Variants in MITF observed in about 807,000 individuals in gnomAD.
The protein encoded by MITF is melanocyte inducing transcription factor, also known as microphthalmia-associated transcription factor.
In MITF, 17 loss-of-function variants were observed where a neutral mutation model predicts 60.5. The observed-to-expected ratio is 0.28, with a 90% CI of 0.19 to 0.42. MITF has a LOEUF of 0.42. Among genes scored for constraint, MITF ranks in the 10% least tolerant of loss-of-function variants. The pLI is 1.00. For synonymous variants in MITF, 260 were observed against 248.5 expected, an observed-to-expected ratio of 1.05 and a Z score of -0.43; for missense variants, 622 against 683.5, an observed-to-expected ratio of 0.91 and a Z score of 1.00.
intron 2 of MITF, among the ~76,000 whole-genome samples, chr3:69,900,955 G>A (rs1433988954): frequency 6.6e-6 from 1 of 152,034 alleles, no homozygotes; most frequent in African/African-American, 2.4e-5. Flanking sequence ...AGCACCAGAA[G>A]CTGTCCTATG....
chr3:69,965,381 C>T lies in MITF; in HGVS notation c.*133C>T, dbSNP rs770068866. On this transcript the variant is annotated 3_prime_UTR_variant, in exon 10 of 10. Coordinates refer to ENST00000352241, the MANE Select transcript of MITF (RefSeq NM_001354604.2). ...TTTTTTTCATGCTTTATCAATAGCC[C>T]AGGATATATTTTATTTTTAGAATTT... is the stretch of plus-strand genomic sequence containing the variant. 19 of 865,140 alleles carry T rather than the reference C, an allele frequency of 2.2e-5. No homozygotes were observed. The highest frequency in any genetic ancestry group is 3.1e-5 in the Non-Finnish European group (18 of 571,760). The allele number at this position is 865,140 out of a possible 1,614,324, so 53.6% of individuals were successfully genotyped here.
chr3:69,742,905 A>G (rs983382017), intron 1 of MITF, among the ~76,000 whole-genome samples: 1 of 151,626 alleles, frequency 6.6e-6, no homozygotes, highest in African/African-American at 2.4e-5. Flanking sequence ...CCAGCTATAT[A>G]TTTTTTTCCC....
chr3:69,935,507 G>T (rs2065813153), intron 2 of MITF, among the ~76,000 whole-genome samples: 1 of 151,620 alleles, frequency 6.6e-6, no homozygotes, highest in Admixed American at 6.6e-5. Flanking sequence ...TCATTATCAT[G>T]TCTGGACCCT....
intron 1 of MITF, among the ~76,000 whole-genome samples, chr3:69,773,029 G>A (rs1049909111): frequency 6.6e-6 from 1 of 152,186 alleles, no homozygotes; most frequent in African/African-American, 2.4e-5. Flanking sequence ...GGCTGGGTTT[G>A]GGGTGACTTG....
rs76619626 is a variant in MITF, at chr3:69,746,977, C to T, written c.104+7276C>T. Among the ~76,000 whole-genome samples the T allele has an allele frequency of 3.1e-3, 466 of 152,302 alleles. 3 individuals carry two copies. The highest frequency in any genetic ancestry group is 5.1e-3 in the Non-Finnish European group (347 of 68,028). ...TTATTTCTTCGCTTCGTCTTTCCCT[C>T]CTGTGGCTTTGGATGCATGCTGTGA... On this transcript the variant is annotated intron_variant, in intron 1 of 9. Transcript: ENST00000352241.
chr3:69,835,288 G>T (rs2063523933), intron 1 of MITF, among the ~76,000 whole-genome samples: 1 of 152,096 alleles, frequency 6.6e-6, no homozygotes, highest in Non-Finnish European at 1.5e-5. Context: ...AAAGTGCTGG[G>T]ATTGCAGGCA....
intron 2 of MITF, among the ~76,000 whole-genome samples, chr3:69,887,856 A>G (rs2064659417): frequency 6.6e-6 from 1 of 152,002 alleles, no homozygotes; most frequent in South Asian, 2.1e-4. Context: ...ATGTAAAGTG[A>G]TGTCCTGATG....
chr3:69,766,624 G>A (rs910669325), intron 1 of MITF, among the ~76,000 whole-genome samples: 1 of 152,082 alleles, frequency 6.6e-6, no homozygotes, highest in Non-Finnish European at 1.5e-5. Context: ...CGTTTTGGGA[G>A]GCCTGGTTGC....
chr3:69,902,421 T>G (rs1409079837), intron 2 of MITF, among the ~76,000 whole-genome samples: 2 of 152,182 alleles, frequency 1.3e-5, no homozygotes, highest in Non-Finnish European at 2.9e-5. Context: ...CAAGGACATA[T>G]GACAAACTCC....
chr3:69,883,340 G>A (rs756973636), intron 2 of MITF, among the ~76,000 whole-genome samples: 5 of 152,136 alleles, frequency 3.3e-5, no homozygotes, highest in Admixed American at 3.3e-4. Context: ...TGGTTATCTC[G>A]TCAAAGTTGC....
At chr3:69,791,385 T>C (rs185715301) in intron 1 of MITF, among the ~76,000 whole-genome samples, 1 of 152,192 alleles carries the variant, frequency 6.6e-6, no homozygotes, top group Non-Finnish European at 1.5e-5. Context: ...TTGAGTGTCA[T>C]AACAGAGAAA....
intron 1 of MITF, among the ~76,000 whole-genome samples, chr3:69,825,265 G>C (rs115964265): frequency 1.3e-5 from 2 of 152,184 alleles, no homozygotes; most frequent in Non-Finnish European, 2.9e-5. Flanking sequence ...GTTCAAAGGA[G>C]CGTGAAATCA....
At chr3:69,920,663 G>A (rs972984592) in intron 2 of MITF, among the ~76,000 whole-genome samples, 28 of 152,142 alleles carry the variant, frequency 1.8e-4, no homozygotes, top group African/African-American at 6.3e-4. Flanking sequence ...CCTATCATTG[G>A]AGATGACTCA....
intron 1 of MITF, among the ~76,000 whole-genome samples, chr3:69,863,248 A>C (rs1187990342): frequency 6.6e-6 from 1 of 152,188 alleles, no homozygotes; most frequent in Non-Finnish European, 1.5e-5. Context: ...GCAGTATTTT[A>C]GTGCTGGGAA....
chr3:69,886,021 G>A (rs528200391), intron 2 of MITF, among the ~76,000 whole-genome samples: 3 of 152,070 alleles, frequency 2.0e-5, no homozygotes, highest in Non-Finnish European at 4.4e-5. Context: ...GGTCAACTAG[G>A]TCATCAGAAA....
intron 2 of MITF, among the ~76,000 whole-genome samples, chr3:69,906,408 T>C (rs1422346827): frequency 6.6e-6 from 1 of 152,154 alleles, no homozygotes; most frequent in Non-Finnish European, 1.5e-5. Flanking sequence ...TGTTGTTTTT[T>C]GTAGTAAAAT....
At chr3:69,848,179 C>G (rs1408286451) in intron 1 of MITF, among the ~76,000 whole-genome samples, 1 of 152,206 alleles carries the variant, frequency 6.6e-6, no homozygotes, top group Non-Finnish European at 1.5e-5. Flanking sequence ...GAATCCTATG[C>G]TTTCCTTTCA....
chr3:69,895,808 T>TTGTGTGTGTGTG (rs35088149), intron 2 of MITF, among the ~76,000 whole-genome samples: 15 of 140,048 alleles, frequency 1.1e-4, no homozygotes, highest in Admixed American at 2.1e-4. Flanking sequence ...TGTGGAGTGT[T>TTGTGTGTGTGTG]TGTGTGTGTG....
intron 2 of MITF, among the ~76,000 whole-genome samples, chr3:69,898,025 T>C (rs2064914996): frequency 6.6e-6 from 1 of 152,212 alleles, no homozygotes; most frequent in Non-Finnish European, 1.5e-5. Context: ...CAGATTTTCA[T>C]GTGCCCTTGT....
Sources: allele counts gnomAD v4.1 joint callset (sites outside exome capture counted in the v4.1 genomes callset), GRCh38; gene constraint gnomAD v4.1.1; transcripts MANE v1.5; gene names NCBI Gene and HGNC (gene_info 2026-07-23, HGNC 2026-07-21).